BRF1: variants seen among roughly 807,000 people sequenced by gnomAD.
BRF1 encodes transcription factor IIIB 90 kDa subunit.
A neutral mutation model predicts 81.7 loss-of-function variants in BRF1; 59 were observed. That is an observed-to-expected ratio of 0.72 (90% CI 0.59 to 0.90). BRF1 has a LOEUF of 0.90. BRF1 is among the 40% of genes least tolerant of loss of function. The probability of loss-of-function intolerance (pLI) is 0.00; values close to 1 mark genes in which losing one functional copy is unlikely to be tolerated. For missense variants in BRF1, 1,050 were observed against 936.3 expected, an observed-to-expected ratio of 1.12 and a Z score of -1.58; for synonymous variants, 491 against 395.6, an observed-to-expected ratio of 1.24 and a Z score of -2.86.
At chr14:105,272,653 A>G in intron 3 of BRF1, 68 bp downstream of exon 3, 1 of 1,502,986 alleles carries the variant, frequency 6.7e-7, no homozygotes, top group South Asian at 1.3e-5. Context: ...ACCAAGTCCC[A>G]ATATTCGAGG....
intron 3 of BRF1, among the ~76,000 whole-genome samples, chr14:105,270,007 C>T (rs888571753): frequency 3.3e-5 from 5 of 152,064 alleles, no homozygotes; most frequent in South Asian, 4.1e-4. Flanking sequence ...AGGGTGGAGC[C>T]GGGGCAAGCA....
intron 12 of BRF1, 42 bp downstream of exon 12, chr14:105,220,027 T>A: frequency 5.6e-6 from 9 of 1,606,020 alleles, no homozygotes; most frequent in Non-Finnish European, 7.6e-6. Flanking sequence ...TGCAGCGCCC[T>A]CCCAAGCCCA....
At chr14:105,249,511 G>GC in intron 5 of BRF1, 1 of 1,569,486 alleles carries the variant, frequency 6.4e-7, no homozygotes, top group Non-Finnish European at 8.8e-7. Context: ...GGACGGGTGG[G>GC]TCCGTTTTAG....
At chr14:105,257,663 G>A (rs1371970793) in intron 3 of BRF1, among the ~76,000 whole-genome samples, 1 of 152,228 alleles carries the variant, frequency 6.6e-6, no homozygotes, top group Admixed American at 6.5e-5. Flanking sequence ...CTCACAAGAG[G>A]CACTATGAGA....
At chr14:105,224,736 T>G (rs1401575202) in intron 10 of BRF1, among the ~76,000 whole-genome samples, 1 of 152,170 alleles carries the variant, frequency 6.6e-6, no homozygotes, top group African/African-American at 2.4e-5. Flanking sequence ...TTTGTAGAGA[T>G]GGGGTCTCAC....
intron 1 of BRF1, among the ~76,000 whole-genome samples, chr14:105,295,234 A>C (rs1388595886): frequency 6.9e-6 from 1 of 144,176 alleles, no homozygotes; most frequent in African/African-American, 2.7e-5. Context: ...TGGGAGGCCA[A>C]GGTGGGAGGA....
intron 3 of BRF1, 122 bp from the exon 4 acceptor site, chr14:105,256,671 G>C (rs2055890384): frequency 7.0e-7 from 1 of 1,438,246 alleles, no homozygotes; most frequent in Non-Finnish European, 9.3e-7. Flanking sequence ...CCAAATATAA[G>C]CTCCACCTTT....
rs930836379 is a variant in BRF1, at chr14:105,271,378, G to A, written c.439+1343C>T. ...TGCACAGCAAGGGCCAGGAGCCAGA[G>A]GGCCACAGAACTGCCCAGTGAGAAT... is the stretch of plus-strand genomic sequence containing the variant. On this transcript the variant is annotated intron_variant, in intron 3 of 17. Transcript: ENST00000547530. The surrounding 1 kb of genome is among the most constrained non-coding windows in gnomAD (Gnocchi z 5.5). 6.6e-6 allele frequency among the ~76,000 whole-genome samples: 1 copy of A among 152,256 alleles called. No homozygotes were observed.
rs373313979 is a variant in BRF1 at position 105,221,654 on chromosome 14, C to T, written c.1309G>A (p.Asp437Asn). 123 of 1,610,242 alleles carry T rather than the reference C, an allele frequency of 7.6e-5. No individual in the cohort carries two copies. Among genetic ancestry groups the T allele is most frequent in the South Asian group, 3.3e-5 (3 of 90,892 alleles). ...IRECISSQSSDPKDASGDGEL... is the reference protein window; with the variant it reads ...IRECISSQSSNPKDASGDGEL... The stretch of plus-strand genomic sequence containing the variant: ...GGGCCCCATCAGAACTCACTGGGGT[C>T]GCTGCTCTGAGAGGAGATGCATTCG... Residue 437 changes from aspartate to asparagine, a missense_variant, in exon 11 of 18, where the codon GAC becomes AAC. Asp to Asn is a conservative substitution (Grantham distance 23). This residue lies in a region of BRF1 where 1,043 missense variants were observed against 915.4 expected (regional missense o/e 1.14). Transcript: ENST00000547530.
intron 1 of BRF1, 74 bp downstream of exon 1, chr14:105,300,372 G>C: frequency 7.3e-7 from 1 of 1,377,120 alleles, no homozygotes; most frequent in Middle Eastern, 2.7e-4. Context: ...GCTGGTCCCG[G>C]CCGCGCCGTC....
At chr14:105,253,630 C>A (rs920633458) in intron 4 of BRF1, among the ~76,000 whole-genome samples, 4 of 152,210 alleles carry the variant, frequency 2.6e-5, no homozygotes, top group South Asian at 2.1e-4. Context: ...GAGGCAAGAG[C>A]CAGAGGCAGC....
intron 11 of BRF1, 147 bp from the exon 12 acceptor site, chr14:105,220,277 T>G: frequency 1.3e-6 from 1 of 776,290 alleles, no homozygotes; most frequent in South Asian, 1.6e-5. Flanking sequence ...GGTCGCGCCC[T>G]GTCTGCCCAC....
rs771797099 is a variant in BRF1, at chr14:105,219,360, G to A, written c.1378-128C>T. ...GGGAACCCGGGGCAGCCTCTATTTA[G>A]TGCGGAGCCTGGGCTGAGGCCTCAT... On this transcript the variant is annotated intron_variant, in intron 12 of 17. Transcript: ENST00000547530. 9.0e-4 allele frequency: 1,365 copies of A among 1,510,070 alleles called. 2 individuals are homozygous for A. Among genetic ancestry groups the A allele is most frequent in the Non-Finnish European group, 1.2e-3 (1,311 of 1,129,044 alleles). The allele number at this position is 1,510,070 out of a possible 1,614,324, so 93.5% of individuals were successfully genotyped here.
At position 105,252,542 on chromosome 14, in the gene BRF1, A is replaced by G. The variant is rs1267637092; in HGVS notation, c.509T>C (p.Leu170Ser). 24 of 1,613,792 alleles carry G rather than the reference A, an allele frequency of 1.5e-5. No individual in the cohort carries two copies. The highest frequency in any genetic ancestry group is 2.0e-5 in the Non-Finnish European group (24 of 1,180,008). Residue 170 changes from leucine to serine, a missense_variant, in exon 5 of 18, where the codon TTG (leucine) becomes TCG (serine). Physicochemically the swap from Leu to Ser is moderately radical, Grantham distance 145. Around this residue, in one of 2 missense-constraint regions of BRF1, gnomAD observed 1,043 missense variants for 915.4 expected, o/e 1.14. Transcript: ENST00000547530. ...VYVLGKTFLLLARELCINAPA... is the reference protein window; with the variant it reads ...VYVLGKTFLLSARELCINAPA... ...CGCATTGATGCAGAGCTCTCTTGCC[A>G]AGAGAAGAAACGTCTTTCCAAGCAC...
rs8270 is a variant in BRF1 at position 105,209,364 on chromosome 14, C to A, written c.*1187G>T. The A allele has an allele frequency of 0.26, 153,572 of 587,744 alleles. 23,755 individuals carry two copies. The highest frequency in any genetic ancestry group is 0.47 in the African/African-American group (25,125 of 53,002). The allele number at this position is 587,744 out of a possible 1,614,324, so 36.4% of individuals were successfully genotyped here. The stretch of plus-strand genomic sequence containing the variant: ...AAGCCCTCGAGAAGCCCTGGCAGGA[C>A]CCAGGCTGGCTACTGAGCTCTGGGC... On this transcript the variant is annotated 3_prime_UTR_variant, in exon 18 of 18. Coordinates refer to ENST00000547530, the MANE Select transcript of BRF1 (RefSeq NM_001519.4).
intron 5 of BRF1, among the ~76,000 whole-genome samples, chr14:105,243,175 TCA>T (rs1714514418): frequency 1.3e-5 from 2 of 149,930 alleles, no homozygotes; most frequent in African/African-American, 4.9e-5. Context: ...GTGTGGTGGC[TCA>T]CATCTGTAAT....
upstream of BRF1, among the ~76,000 whole-genome samples, chr14:105,304,125 G>T (rs1270332606): frequency 2.0e-5 from 3 of 152,218 alleles, no homozygotes; most frequent in Non-Finnish European, 2.9e-5. Flanking sequence ...GGACAGTCAG[G>T]CTGTACAGGA....
intron 5 of BRF1, chr14:105,248,876 G>A: frequency 1.0e-6 from 1 of 989,062 alleles, no homozygotes; most frequent in Non-Finnish European, 1.2e-6. Context: ...CGAAGATGGC[G>A]GCGGAACTCT....
chr14:105,217,474 A>G, intron 15 of BRF1, 70 bp downstream of exon 15: 2 of 1,572,330 alleles, frequency 1.3e-6, no homozygotes, highest in Non-Finnish European at 8.7e-7. Flanking sequence ...CAGCTCCAGG[A>G]CCCGAAGCCA....
Sources: allele counts gnomAD v4.1 joint callset (sites outside exome capture counted in the v4.1 genomes callset), GRCh38; gene constraint gnomAD v4.1.1; regional missense constraint gnomAD v4.1.1; non-coding constraint Gnocchi (gnomAD v3.1); transcripts MANE v1.5; gene names NCBI Gene and HGNC (gene_info 2026-07-23, HGNC 2026-07-21).